HMGCLL1: variants seen among roughly 807,000 people sequenced by gnomAD.
HMGCLL1 encodes 3-hydroxymethyl-3-methylglutaryl-CoA lyase, cytoplasmic.
Under a neutral mutation model 39.1 loss-of-function variants are expected in HMGCLL1, and 36 were observed. That is an observed-to-expected ratio of 0.92 (90% CI 0.71 to 1.22). The LOEUF is 1.22. Ranked by LOEUF, HMGCLL1 falls within the 50% of genes most tolerant of loss-of-function variation. The pLI is 0.00. For synonymous variants in HMGCLL1, 149 were observed against 144.0 expected, an observed-to-expected ratio of 1.03 and a Z score of -0.25; for missense variants, 451 against 416.5, an observed-to-expected ratio of 1.08 and a Z score of -0.72.
At chr6:55,629,948 C>G in the HMGCLL1 span, among the ~76,000 whole-genome samples, 1 of 152,138 alleles carries the variant, frequency 6.6e-6, no homozygotes, top group African/African-American at 2.4e-5. Flanking sequence ...TGGAGAAACT[C>G]TGCTAGGGCA....
intron 1 of HMGCLL1, among the ~76,000 whole-genome samples, chr6:55,542,569 G>C (rs976947162): frequency 2.0e-5 from 3 of 151,592 alleles, no homozygotes; most frequent in Non-Finnish European, 2.9e-5. Context: ...CATGAGGTCA[G>C]GAGTTTGAGA....
At chr6:55,636,595 G>A in the HMGCLL1 span, among the ~76,000 whole-genome samples, 1 of 152,112 alleles carries the variant, frequency 6.6e-6, no homozygotes, top group Admixed American at 6.6e-5. Flanking sequence ...TCTAAGCAAT[G>A]AGCTGTTGCC....
intron 7 of HMGCLL1, among the ~76,000 whole-genome samples, chr6:55,472,770 G>T (rs1169060391): frequency 6.6e-6 from 1 of 151,298 alleles, no homozygotes; most frequent in African/African-American, 2.4e-5. Context: ...AAAACAAACT[G>T]CTTGATAGTG....
At chr6:55,593,476 C>T in the HMGCLL1 span, among the ~76,000 whole-genome samples, 2 of 152,098 alleles carry the variant, frequency 1.3e-5, no homozygotes, top group African/African-American at 4.8e-5. Flanking sequence ...TGATATTTCT[C>T]CTATCACTTA....
chr6:55,615,963 TA>T, the HMGCLL1 span, among the ~76,000 whole-genome samples: 1 of 152,136 alleles, frequency 6.6e-6, no homozygotes, highest in South Asian at 2.1e-4. Context: ...GAAACAGTTG[TA>T]GCCACACTTA....
intron 1 of HMGCLL1, among the ~76,000 whole-genome samples, chr6:55,554,674 G>C (rs1463013070): frequency 1.3e-5 from 2 of 152,062 alleles, no homozygotes; most frequent in African/African-American, 2.4e-5. Flanking sequence ...GGGGGACTTA[G>C]GCATTTAGAG....
chr6:55,609,239 G>GGGGTT, the HMGCLL1 span, among the ~76,000 whole-genome samples: 1 of 152,194 alleles, frequency 6.6e-6, no homozygotes, highest in East Asian at 1.9e-4. Flanking sequence ...CCCTGGGGGA[G>GGGGTT]GGGTGGCAGC....
the HMGCLL1 span, among the ~76,000 whole-genome samples, chr6:55,588,098 T>C: frequency 2.0e-5 from 3 of 152,098 alleles, no homozygotes; most frequent in Non-Finnish European, 2.9e-5. Flanking sequence ...CAACAGAATA[T>C]ACATTCTTCT....
At chr6:55,550,252 T>C (rs192618125) in intron 1 of HMGCLL1, among the ~76,000 whole-genome samples, 2 of 152,108 alleles carry the variant, frequency 1.3e-5, no homozygotes. Flanking sequence ...TTGTGAGATG[T>C]TGCTCAGGTA....
At chr6:55,505,004 T>G (rs1767080104) in intron 5 of HMGCLL1, among the ~76,000 whole-genome samples, 1 of 151,672 alleles carries the variant, frequency 6.6e-6, no homozygotes, top group African/African-American at 2.4e-5. Flanking sequence ...TTGCTAAAAT[T>G]AACAAAAAAC....
chr6:55,651,624 C>T, the HMGCLL1 span, among the ~76,000 whole-genome samples: 1 of 152,056 alleles, frequency 6.6e-6, no homozygotes, highest in Admixed American at 6.6e-5. Context: ...CACCCTAGTT[C>T]ACTGGCTCTA....
At chr6:55,509,833 A>C (rs964245800) in intron 5 of HMGCLL1, among the ~76,000 whole-genome samples, 2 of 151,906 alleles carry the variant, frequency 1.3e-5, no homozygotes, top group South Asian at 2.1e-4. Context: ...TTTTTGCATA[A>C]GAAGAAAGTC....
intron 3 of HMGCLL1, among the ~76,000 whole-genome samples, chr6:55,530,199 G>A (rs1768581239): frequency 1.3e-5 from 2 of 152,028 alleles, no homozygotes; most frequent in South Asian, 4.1e-4. Flanking sequence ...TTTATAAATA[G>A]ATTACACATT....
Position 55,516,492 on chromosome 6 carries a change from TTAG to T in HMGCLL1, c.393+13_393+15del, listed in dbSNP as rs1384791866. ...AAGAGGCCTATCAATTTTAGAGATA[TTAG>T]TAGCACACTTACAGCATGGTGAAAA... is the stretch of plus-strand genomic sequence containing the variant. On this transcript the variant is annotated intron_variant, in intron 4 of 8. Coordinates refer to ENST00000274901, the MANE Select transcript of HMGCLL1 (RefSeq NM_001042406.2). The T allele has an allele frequency of 6.5e-7, 1 of 1,528,600 alleles. No individual in the cohort carries two copies. Among genetic ancestry groups the T allele is most frequent in the Admixed American group, 1.7e-5 (1 of 59,034 alleles). 94.7% of individuals were successfully genotyped at this position (1,528,600 alleles called of 1,614,324 possible). A position where few individuals can be genotyped will look rare whatever the true frequency, so the allele number is the denominator to read the frequency against.
chr6:55,441,988 C>G (rs1459105062), intron 7 of HMGCLL1, among the ~76,000 whole-genome samples: 1 of 151,994 alleles, frequency 6.6e-6, no homozygotes, highest in Non-Finnish European at 1.5e-5. Flanking sequence ...TGTCCTTCAA[C>G]TTGGGTTTGT....
At chr6:55,513,933 A>C in intron 5 of HMGCLL1, 115 bp downstream of exon 5, 1 of 897,300 alleles carries the variant, frequency 1.1e-6, no homozygotes, top group South Asian at 1.7e-5. Context: ...AACAAAATAG[A>C]AATATGATAT....
At chr6:55,629,617 C>T in the HMGCLL1 span, among the ~76,000 whole-genome samples, 93 of 152,180 alleles carry the variant, frequency 6.1e-4, no homozygotes, top group South Asian at 2.1e-3. Flanking sequence ...ACAGCAGACC[C>T]TCCCATCACA....
At chr6:55,541,064 A>G (rs1022865754) in intron 3 of HMGCLL1, among the ~76,000 whole-genome samples, 4 of 152,152 alleles carry the variant, frequency 2.6e-5, no homozygotes, top group Admixed American at 2.6e-4. Flanking sequence ...AAGGGATCCA[A>G]GGACTGAGAA....
intron 3 of HMGCLL1, among the ~76,000 whole-genome samples, chr6:55,532,603 C>G (rs1000557709): frequency 1.3e-5 from 2 of 151,832 alleles, no homozygotes; most frequent in African/African-American, 4.8e-5. Flanking sequence ...GAGTTCGAGA[C>G]CAGCCTGGCC....
Sources: gnomAD v4.1 joint callset for allele counts (sites outside exome capture counted in the v4.1 genomes callset) on GRCh38, gnomAD v4.1.1 for gene constraint, MANE v1.5 for transcripts, NCBI Gene and HGNC (gene_info 2026-07-23, HGNC 2026-07-21) for gene names.